The following ADD2 variants were observed in gnomAD, a reference collection of about 807,000 sequenced individuals.
ADD2 encodes adducin 2, also known as beta-adducin.
A neutral mutation model predicts 83.0 loss-of-function variants in ADD2; 23 were observed. The ratio of observed to expected loss-of-function variants is 0.28; its 90% CI spans 0.20 to 0.39. The LOEUF is 0.39. ADD2 is among the 10% of genes least tolerant of loss of function. The pLI is 1.00. For synonymous variants in ADD2, 375 were observed against 375.4 expected (o/e 1.00, Z 0.01); for missense variants, 758 against 944.9 (o/e 0.80, Z 2.59).
intron 13 of ADD2, chr2:70,675,892 C>T: frequency 2.0e-6 from 2 of 985,382 alleles, no homozygotes; most frequent in Non-Finnish European, 2.4e-6. Flanking sequence ...AATGAACTCT[C>T]ACCTCCCGCC....
chr2:70,750,539 C>T (rs1209725767), intron 1 of ADD2, among the ~76,000 whole-genome samples: 1 of 152,150 alleles, frequency 6.6e-6, no homozygotes, highest in Non-Finnish European at 1.5e-5. Context: ...AGAGGAAAGA[C>T]CATGTGATGA....
In ADD2 at chr2:70,692,566, G is replaced by T; in HGVS notation, c.556-14C>A. 1 of 1,583,526 alleles carries T rather than the reference G, an allele frequency of 6.3e-7. No homozygotes were observed. ...GTTCACCTTGATCTGCGCCAGGGAAGAAGAGAGACTTATGGCAACAGGGTG... is the reference window on the plus strand; with the variant it reads ...GTTCACCTTGATCTGCGCCAGGGAATAAGAGAGACTTATGGCAACAGGGTG... On this transcript the variant is annotated splice_polypyrimidine_tract_variant and intron_variant, in intron 6 of 15. Transcript: ENST00000264436.
intron 1 of ADD2, among the ~76,000 whole-genome samples, chr2:70,729,269 G>A (rs782311782): frequency 6.6e-6 from 1 of 152,176 alleles, no homozygotes; most frequent in South Asian, 2.1e-4. Flanking sequence ...TTTCTGCAAG[G>A]TGACCTTGAC....
chr2:70,759,323 C>T (rs1167743524), intron 1 of ADD2, among the ~76,000 whole-genome samples: 1 of 152,106 alleles, frequency 6.6e-6, no homozygotes, highest in Non-Finnish European at 1.5e-5. Flanking sequence ...TATTTACATA[C>T]TTTTGTATCT....
In ADD2 at chr2:70,658,447, T is replaced by A. The variant is rs1675432619; in HGVS notation, c.*4978A>T. On this transcript the variant is annotated 3_prime_UTR_variant, in exon 16 of 16. Coordinates refer to ENST00000264436, the MANE Select transcript of ADD2 (RefSeq NM_001617.4). ...TGTGCACAGATAACCAATGTGCACATTTCATGAGTTTACAGTCACTACAGG... is the reference window on the plus strand; with the variant it reads ...TGTGCACAGATAACCAATGTGCACAATTCATGAGTTTACAGTCACTACAGG... 1 of 152,210 alleles carries A rather than the reference T, an allele frequency of 6.6e-6. No individual in the cohort carries two copies. The highest frequency in any genetic ancestry group is 1.5e-5 in the Non-Finnish European group (1 of 68,040). 9.4% of individuals were successfully genotyped at this position (152,210 alleles called of 1,614,324 possible). A position where few individuals can be genotyped will look rare whatever the true frequency, so the allele number is the denominator to read the frequency against.
intron 1 of ADD2, among the ~76,000 whole-genome samples, chr2:70,745,014 C>T (rs550457937): frequency 6.6e-5 from 10 of 152,166 alleles, no homozygotes; most frequent in African/African-American, 2.2e-4. Context: ...CGGCCGGGCA[C>T]GGTGGCTCAC....
chr2:70,758,697 G>A (rs1674926901), intron 1 of ADD2, among the ~76,000 whole-genome samples: 1 of 152,300 alleles, frequency 6.6e-6, no homozygotes, highest in African/African-American at 2.4e-5. Context: ...CTACTTGGGA[G>A]GTTGAGATGG....
At chr2:70,697,740 G>C (rs563538698) in intron 4 of ADD2, among the ~76,000 whole-genome samples, 1 of 152,090 alleles carries the variant, frequency 6.6e-6, no homozygotes, top group Admixed American at 6.6e-5. Flanking sequence ...AAGCGAGGGC[G>C]GACGATGTAT....
chr2:70,707,569 C>T (rs954141161), intron 2 of ADD2, among the ~76,000 whole-genome samples: 2 of 152,254 alleles, frequency 1.3e-5, no homozygotes, highest in Non-Finnish European at 2.9e-5. Context: ...TTGCGAAGCC[C>T]GTCTCCTTTC....
intron 1 of ADD2, among the ~76,000 whole-genome samples, chr2:70,740,672 GTGTC>G (rs1673839305): frequency 6.6e-6 from 1 of 151,874 alleles, no homozygotes; most frequent in South Asian, 2.1e-4. Flanking sequence ...TTTTGTGTGT[GTGTC>G]TAAGAAATTT....
chr2:70,663,469 AG>A lies in ADD2; in HGVS notation c.2136del (p.Ser713ProfsTer3). The A allele has an allele frequency of 6.2e-7, 1 of 1,613,856 alleles. No individual in the cohort carries two copies. The highest frequency in any genetic ancestry group is 8.5e-7 in the Non-Finnish European group (1 of 1,179,954). On this transcript the variant is annotated frameshift_variant, in exon 16 of 16. Transcript: ENST00000264436. LOFTEE classifies it high-confidence loss of function. ...PSKKKKKFRT[P>X]SFLKKSKKKE... Reference sequence around the variant, plus strand: ...TTCTTTTTGCTCTTTTTCAGGAAGGAGGGGGTTCGGAATTTCTTTTTCTTCT... The same window carrying A: ...TTCTTTTTGCTCTTTTTCAGGAAGGAGGGGTTCGGAATTTCTTTTTCTTCT...
chr2:70,736,205 G>A (rs1553380138), intron 1 of ADD2, among the ~76,000 whole-genome samples: 1 of 152,160 alleles, frequency 6.6e-6, no homozygotes, highest in African/African-American at 2.4e-5. Flanking sequence ...TGTCACAAAG[G>A]AGAACTGGAC....
At chr2:70,705,988 C>T (rs1671865279) in intron 3 of ADD2, among the ~76,000 whole-genome samples, 2 of 152,204 alleles carry the variant, frequency 1.3e-5, no homozygotes, top group African/African-American at 4.8e-5. Context: ...ACTCCTGTCT[C>T]CGTCCCACCT....
At chr2:70,745,397 G>A (rs1674137509) in intron 1 of ADD2, among the ~76,000 whole-genome samples, 1 of 152,114 alleles carries the variant, frequency 6.6e-6, no homozygotes, top group African/African-American at 2.4e-5. Flanking sequence ...CTCCTTTCTG[G>A]ACAGTACCAC....
intron 14 of ADD2, chr2:70,673,387 G>T (rs782705715): frequency 6.8e-7 from 1 of 1,475,076 alleles, no homozygotes; most frequent in African/African-American, 1.4e-5. Context: ...CGGGTAAGAG[G>T]TGGACCCACA....
In ADD2 at chr2:70,676,712, G is replaced by T. The variant is rs368141572; in HGVS notation, c.1593+84C>A. On this transcript the variant is annotated intron_variant, in intron 13 of 15. Transcript: ENST00000264436. The surrounding 1 kb of genome is among the most constrained non-coding windows in gnomAD (Gnocchi z 4.8). ...AGGGGAAGGTGGGTATGAGGACTCA[G>T]GGGTCCTGCAACCCAGCCCCAGGCA... 13 of 1,588,542 alleles carry T rather than the reference G, an allele frequency of 8.2e-6. No homozygotes were observed. The African/African-American group carries it at 1.6e-4, about 20-fold the overall frequency.
At chr2:70,713,652 G>C (rs1426707571) in intron 1 of ADD2, among the ~76,000 whole-genome samples, 14 of 152,064 alleles carry the variant, frequency 9.2e-5, no homozygotes. Context: ...CTTTACAATT[G>C]GGATCAAAAT....
intron 2 of ADD2, among the ~76,000 whole-genome samples, chr2:70,708,401 G>A (rs2104394356): frequency 6.6e-6 from 1 of 152,298 alleles, no homozygotes; most frequent in African/African-American, 2.4e-5. Context: ...AATATAATTA[G>A]TCTGAGGTAT....
intron 2 of ADD2, among the ~76,000 whole-genome samples, chr2:70,707,599 C>G (rs985453948): frequency 3.9e-5 from 6 of 152,244 alleles, no homozygotes; most frequent in African/African-American, 1.4e-4. Flanking sequence ...CACTGCAAGG[C>G]CTTCAAATCG....
Sources: allele counts gnomAD v4.1 joint callset (sites outside exome capture counted in the v4.1 genomes callset), GRCh38; gene constraint gnomAD v4.1.1; non-coding constraint Gnocchi (gnomAD v3.1); transcripts MANE v1.5; gene names NCBI Gene and HGNC (gene_info 2026-07-23, HGNC 2026-07-21).